The following ZNRF3 variants were observed in gnomAD, a reference collection of about 807,000 sequenced individuals.
The protein encoded by ZNRF3 is zinc and ring finger 3.
ZNRF3 carries 23 observed loss-of-function variants against 72.5 expected under a neutral mutation model. The ratio of observed to expected loss-of-function variants is 0.32; its 90% CI spans 0.23 to 0.45. The LOEUF is 0.45. ZNRF3 is among the 20% of genes least tolerant of loss of function. ZNRF3 has a pLI of 1.00. For synonymous variants in ZNRF3, 610 were observed against 545.3 expected, an observed-to-expected ratio of 1.12 and a Z score of -1.65; for missense variants, 1,169 against 1,272.1, an observed-to-expected ratio of 0.92 and a Z score of 1.23.
At chr22:28,884,087 C>T in intron 1 of ZNRF3, 21 bp downstream of exon 1, 2 of 1,188,130 alleles carry the variant, frequency 1.7e-6, no homozygotes, top group Non-Finnish European at 1.1e-6. Flanking sequence ...GCCGCCCGGG[C>T]CCCGCGCCGC....
chr22:28,921,107 T>A (rs898554340), intron 1 of ZNRF3, among the ~76,000 whole-genome samples: 1 of 152,202 alleles, frequency 6.6e-6, no homozygotes, highest in Non-Finnish European at 1.5e-5. Flanking sequence ...TTTCTTTTGA[T>A]CTTTGCCCCA....
intron 2 of ZNRF3, among the ~76,000 whole-genome samples, chr22:29,021,732 C>T (rs2036544123): frequency 6.6e-6 from 1 of 152,056 alleles, no homozygotes; most frequent in Non-Finnish European, 1.5e-5. Context: ...AAATGACCCA[C>T]CCACCTCGAC....
At chr22:29,020,249 CTTTTT>C (rs756716817) in intron 2 of ZNRF3, among the ~76,000 whole-genome samples, 1 of 91,768 alleles carries the variant, frequency 1.1e-5, no homozygotes, top group Non-Finnish European at 2.0e-5. Flanking sequence ...CACAACCATC[CTTTTT>C]TTTTTTTTTT....
At chr22:28,919,225 T>C (rs1339848760) in intron 1 of ZNRF3, among the ~76,000 whole-genome samples, 1 of 152,204 alleles carries the variant, frequency 6.6e-6, no homozygotes, top group East Asian at 1.9e-4. Flanking sequence ...TCCTGGAAAA[T>C]GCCTTCATAT....
Position 28,901,635 on chromosome 22 carries a change from C to CT in ZNRF3, c.300+17590dup, listed in dbSNP as rs132532. The stretch of plus-strand genomic sequence containing the variant: ...GGCATGTAATAAATGATGGATGGAC[C>CT]TTTTTTTTTTTTTTTTTTTTTGAGA... On this transcript the variant is annotated intron_variant, in intron 1 of 8. Coordinates refer to ENST00000544604, the MANE Select transcript of ZNRF3 (RefSeq NM_001206998.2). 5.3e-3 allele frequency among the ~76,000 whole-genome samples: 395 copies of CT among 74,776 alleles called. 10 individuals are homozygous for CT. Among genetic ancestry groups the CT allele is most frequent in the South Asian group, 0.022 (45 of 2,036 alleles). 49.1% of individuals were successfully genotyped at this position (74,776 alleles called of 152,430 possible).
chr22:28,944,576 G>A (rs1042876312), intron 1 of ZNRF3, among the ~76,000 whole-genome samples: 10 of 152,020 alleles, frequency 6.6e-5, no homozygotes, highest in Non-Finnish European at 1.5e-4. Flanking sequence ...CCAACATGGC[G>A]AAACCCTGTC....
chr22:29,031,716 G>A lies in ZNRF3; in HGVS notation c.427-10779G>A. ...AGCCTGGGCTCTCTGGCCTGGGGTA[G>A]GACCCGCCAAGAGGGACCTGTGGGC... On this transcript the variant is annotated intron_variant, in intron 2 of 8. Coordinates refer to ENST00000544604, the MANE Select transcript of ZNRF3 (RefSeq NM_001206998.2). 3 of 833,338 alleles carry A rather than the reference G, an allele frequency of 3.6e-6. No homozygotes were observed. The African/African-American group carries it at 5.5e-5, about 15-fold the overall frequency. 51.6% of individuals were successfully genotyped at this position (833,338 alleles called of 1,614,324 possible). A position where few individuals can be genotyped will look rare whatever the true frequency, so the allele number is the denominator to read the frequency against.
At chr22:28,927,579 G>A (rs73881191) in intron 1 of ZNRF3, among the ~76,000 whole-genome samples, 2,715 of 152,234 alleles carry the variant, frequency 0.018, 96 homozygotes, top group African/African-American at 0.062. Flanking sequence ...AAATTAATAT[G>A]TGATTCTGTG....
rs189337584 is a variant in ZNRF3, at chr22:28,997,406, G to T, written c.426+10205G>T. ...TTGGTCTTCAAAAATGTCAGGGTTG[G>T]GGGGTGGGAGTGGGGGTGCTTACTG... is the stretch of plus-strand genomic sequence containing the variant. On this transcript the variant is annotated intron_variant, in intron 2 of 8. Coordinates refer to ENST00000544604, the MANE Select transcript of ZNRF3 (RefSeq NM_001206998.2). 1.7e-3 allele frequency among the ~76,000 whole-genome samples: 260 copies of T among 151,954 alleles called. 1 individual carries two copies. The highest frequency in any genetic ancestry group is 6.1e-3 in the African/African-American group (251 of 41,428).
At chr22:28,960,165 T>C (rs1377212138) in intron 1 of ZNRF3, among the ~76,000 whole-genome samples, 1 of 152,190 alleles carries the variant, frequency 6.6e-6, no homozygotes, top group African/African-American at 2.4e-5. Context: ...CTGGGAAGCA[T>C]GTTAAAAAAC....
intron 1 of ZNRF3, among the ~76,000 whole-genome samples, chr22:28,966,414 G>A (rs1005223777): frequency 6.6e-5 from 10 of 152,112 alleles, no homozygotes; most frequent in African/African-American, 2.4e-4. Context: ...TATTAAAAAA[G>A]AAGTTAGCTG....
intron 1 of ZNRF3, among the ~76,000 whole-genome samples, chr22:28,921,332 T>C (rs1486142846): frequency 6.6e-6 from 1 of 152,174 alleles, no homozygotes; most frequent in Non-Finnish European, 1.5e-5. Flanking sequence ...TTACTGCTTA[T>C]AGGATGGAGT....
chr22:28,920,582 A>C (rs983671851), intron 1 of ZNRF3, among the ~76,000 whole-genome samples: 2 of 152,200 alleles, frequency 1.3e-5, no homozygotes, highest in African/African-American at 2.4e-5. Context: ...GCAGACTCTT[A>C]TTGATCAGTT....
intron 1 of ZNRF3, among the ~76,000 whole-genome samples, chr22:28,886,441 C>G (rs1357569539): frequency 6.6e-6 from 1 of 152,194 alleles, no homozygotes; most frequent in East Asian, 1.9e-4. Context: ...TATTTACTGT[C>G]TTTAAATAAA....
intron 2 of ZNRF3, among the ~76,000 whole-genome samples, chr22:29,007,748 CTTCCTT>C (rs1412069970): frequency 9.3e-6 from 1 of 107,158 alleles, no homozygotes; most frequent in Non-Finnish European, 1.9e-5. Flanking sequence ...AATTCCATTT[CTTCCTT>C]TTTTTTTTTT....
intron 1 of ZNRF3, among the ~76,000 whole-genome samples, chr22:28,893,228 T>C (rs2033925441): frequency 6.6e-6 from 1 of 152,122 alleles, no homozygotes; most frequent in Admixed American, 6.6e-5. Context: ...TAGGTGTGTG[T>C]AAGTTCCCAT....
At chr22:28,945,657 G>A (rs2035040917) in intron 1 of ZNRF3, among the ~76,000 whole-genome samples, 1 of 151,940 alleles carries the variant, frequency 6.6e-6, no homozygotes, top group Non-Finnish European at 1.5e-5. Flanking sequence ...AGCCTCCTGA[G>A]TAGCTGAGAC....
At chr22:28,925,618 C>A (rs1236488043) in intron 1 of ZNRF3, among the ~76,000 whole-genome samples, 2 of 152,080 alleles carry the variant, frequency 1.3e-5, no homozygotes, top group Admixed American at 6.5e-5. Flanking sequence ...CAGTCGACAC[C>A]CATATACCCA....
Position 29,049,431 on chromosome 22 carries a change from G to A in ZNRF3, c.1250G>A (p.Arg417His), listed in dbSNP as rs777265891. The stretch of plus-strand genomic sequence containing the variant: ...TCCCCGCAGACCCCCGCCTACATCC[G>A]CAGCTACCCACCCCTCCACCTGGAC... ...LYSPQTPAYI[R>H]SYPPLHLDHS... The change falls in exon 8 of 9, where the codon CGC (arginine) becomes CAC (histidine). Residue 417 changes from arginine (R) to histidine (H), a missense_variant. Arg to His is a conservative substitution (Grantham distance 29). Around this residue, in one of 2 missense-constraint regions of ZNRF3, gnomAD observed 783 missense variants for 731.4 expected, o/e 1.07. Coordinates refer to ENST00000544604, the MANE Select transcript of ZNRF3 (RefSeq NM_001206998.2). This position sits in a 1 kb window ranked among gnomAD's most constrained non-coding sequence, Gnocchi z 5.2. The A allele has an allele frequency of 6.2e-7, 1 of 1,606,240 alleles. No individual in the cohort carries two copies. The highest frequency in any genetic ancestry group is 8.5e-7 in the Non-Finnish European group (1 of 1,179,332).
Sources: gnomAD v4.1 joint callset for allele counts (sites outside exome capture counted in the v4.1 genomes callset) on GRCh38, gnomAD v4.1.1 for gene constraint, gnomAD v4.1.1 regional missense constraint, Gnocchi (gnomAD v3.1) non-coding constraint, MANE v1.5 for transcripts, NCBI Gene and HGNC (gene_info 2026-07-23, HGNC 2026-07-21) for gene names.